FBXO11: variants seen among roughly 807,000 people sequenced by gnomAD.
The protein encoded by FBXO11 is F-box protein 11.
A neutral mutation model predicts 117.0 loss-of-function variants in FBXO11; 13 were observed. That is an observed-to-expected ratio of 0.11 (90% confidence interval 0.07 to 0.18). The LOEUF (loss-of-function observed/expected upper bound fraction) is 0.18, where lower values mean the gene tolerates loss of function less well. FBXO11 is among the 10% of genes least tolerant of loss of function. The pLI, the probability that FBXO11 is intolerant of heterozygous loss-of-function variation, is 1.00. For synonymous variants in FBXO11, 490 were observed against 380.5 expected, an observed-to-expected ratio of 1.29 and a Z score of -3.35; for missense variants, 767 against 1,164.4, an observed-to-expected ratio of 0.66 and a Z score of 4.97.
intron 1 of FBXO11, among the ~76,000 whole-genome samples, chr2:47,852,621 G>A (rs1673958041): frequency 6.6e-6 from 1 of 151,942 alleles, no homozygotes; most frequent in African/African-American, 2.4e-5. Flanking sequence ...AAGTAATTTG[G>A]GTGTCTTTTA....
intron 1 of FBXO11, among the ~76,000 whole-genome samples, chr2:47,898,967 A>T (rs1259447348): frequency 1.3e-5 from 2 of 152,102 alleles, no homozygotes; most frequent in Non-Finnish European, 2.9e-5. Context: ...AAAGTAATAA[A>T]ATCTCTTACA....
intron 16 of FBXO11, 126 bp downstream of exon 16, chr2:47,818,653 A>T: frequency 1.5e-6 from 1 of 660,658 alleles, no homozygotes; most frequent in Non-Finnish European, 2.6e-6. Flanking sequence ...AGATTATTTT[A>T]AGAATGTGAA....
intron 16 of FBXO11, among the ~76,000 whole-genome samples, chr2:47,815,185 A>C (rs987332937): frequency 2.1e-4 from 32 of 152,104 alleles, no homozygotes; most frequent in African/African-American, 7.5e-4. Flanking sequence ...TTATTTTTGT[A>C]TTTAGGTTTG....
At chr2:47,849,453 A>C (rs544349137) in intron 1 of FBXO11, among the ~76,000 whole-genome samples, 1 of 152,224 alleles carries the variant, frequency 6.6e-6, no homozygotes, top group African/African-American at 2.4e-5. Flanking sequence ...AAAATGACTT[A>C]AAAAATGTGC....
At chr2:47,894,361 T>A (rs1285451506) in intron 1 of FBXO11, among the ~76,000 whole-genome samples, 1 of 152,100 alleles carries the variant, frequency 6.6e-6, no homozygotes, top group Admixed American at 6.6e-5. Flanking sequence ...AAACTAGAAA[T>A]GAAATAACTG....
At chr2:47,903,442 T>G (rs899666849) in intron 1 of FBXO11, among the ~76,000 whole-genome samples, 1 of 152,196 alleles carries the variant, frequency 6.6e-6, no homozygotes, top group African/African-American at 2.4e-5. Flanking sequence ...TAGACATCAA[T>G]GAGAAGAAAA....
rs1180686550 is a variant in FBXO11 at position 47,886,579 on chromosome 2, G to C, written c.232+18910C>G. Among the ~76,000 whole-genome samples the C allele has an allele frequency of 2.0e-5, 3 of 151,740 alleles. No individual in the cohort carries two copies. The East Asian group carries it at 5.8e-4, about 29-fold the overall frequency. On this transcript the variant is annotated intron_variant, in intron 1 of 22. Coordinates refer to ENST00000403359, the MANE Select transcript of FBXO11 (RefSeq NM_001190274.2). ...TAAAGATATTTGTATAGGGTTGTTTGCTGCAGTTCTTTAATAGCATACAAG... is the reference window on the plus strand; with the variant it reads ...TAAAGATATTTGTATAGGGTTGTTTCCTGCAGTTCTTTAATAGCATACAAG...
At chr2:47,823,423 TA>T in intron 11 of FBXO11, 63 bp from the exon 12 acceptor site, 2 of 1,232,468 alleles carry the variant, frequency 1.6e-6, no homozygotes, top group Non-Finnish European at 2.2e-6. Flanking sequence ...AAATGCCATT[TA>T]AAAAACATTT....
intron 16 of FBXO11, among the ~76,000 whole-genome samples, chr2:47,816,088 C>A (rs1179819590): frequency 6.6e-6 from 1 of 152,202 alleles, no homozygotes; most frequent in Non-Finnish European, 1.5e-5. Flanking sequence ...CCTGGCGACC[C>A]CTTGGGTTGC....
rs192161927 is a variant in FBXO11, at chr2:47,853,416, T to C, written c.233-13647A>G. Among the ~76,000 whole-genome samples, 23 of 152,318 alleles carry C rather than the reference T, an allele frequency of 1.5e-4. No individual in the cohort carries two copies. The East Asian group carries it at 4.0e-3, about 27-fold the overall frequency. On this transcript the variant is annotated intron_variant, in intron 1 of 22. Coordinates refer to ENST00000403359, the MANE Select transcript of FBXO11 (RefSeq NM_001190274.2). ...TAATACTTTTACATGTCATATTTTATTCAAATATATAAAAATACCAAAATA... is the reference window on the plus strand; with the variant it reads ...TAATACTTTTACATGTCATATTTTACTCAAATATATAAAAATACCAAAATA...
rs764537780 is a variant in FBXO11 at position 47,809,193 on chromosome 2, T to A, written c.2520A>T (p.Ser840=). 1.2e-6 allele frequency: 2 copies of A among 1,605,524 alleles called. No homozygotes were observed. Among genetic ancestry groups the A allele is most frequent in the Non-Finnish European group, 1.7e-6 (2 of 1,173,932 alleles). The change falls in exon 21 of 23, where the codon TCA becomes TCT. Residue 840 remains serine, a synonymous_variant. Coordinates refer to ENST00000403359, the MANE Select transcript of FBXO11 (RefSeq NM_001190274.2). ...CATGCATGGGATAGCTGGTATAACT[T>A]GATATTTTATATAAACATTGGCCTC... The part of the protein sequence containing the change: ...VSRGQCLYKI[S]SYTSYPMHDF...
chr2:47,809,784 TAAA>T (rs1670482987), intron 19 of FBXO11, 77 bp from the exon 20 acceptor site: 2 of 893,880 alleles, frequency 2.2e-6, no homozygotes, highest in Non-Finnish European at 3.6e-6. Flanking sequence ...CAAGCAAATG[TAAA>T]CTGCTTCTTT....
intron 1 of FBXO11, among the ~76,000 whole-genome samples, chr2:47,881,138 G>C (rs1676400592): frequency 1.3e-5 from 2 of 152,120 alleles, no homozygotes; most frequent in South Asian, 4.2e-4. Context: ...TGCAGTCCCA[G>C]TTACTTGGGA....
At chr2:47,840,059 T>C (rs1249799452) in intron 1 of FBXO11, among the ~76,000 whole-genome samples, 1 of 151,910 alleles carries the variant, frequency 6.6e-6, no homozygotes, top group African/African-American at 2.4e-5. Flanking sequence ...TTCTCCTGCC[T>C]CAGCCTCCCG....
intron 1 of FBXO11, among the ~76,000 whole-genome samples, chr2:47,843,398 G>A (rs906607402): frequency 1.3e-5 from 2 of 150,572 alleles, no homozygotes; most frequent in Admixed American, 1.3e-4. Context: ...TGAAGGAAAT[G>A]TGCTGAAATC....
intron 1 of FBXO11, among the ~76,000 whole-genome samples, chr2:47,864,325 C>T (rs545622489): frequency 2.0e-5 from 3 of 152,294 alleles, no homozygotes; most frequent in Admixed American, 1.3e-4. Context: ...TGGTGGCTCA[C>T]GCCTGTAATC....
At chr2:47,814,207 A>C in intron 16 of FBXO11, 1 of 219,794 alleles carries the variant, frequency 4.5e-6, no homozygotes, top group Non-Finnish European at 9.2e-6. Context: ...GACCACCATA[A>C]TAAAGCGAGT....
intron 12 of FBXO11, 101 bp from the exon 13 acceptor site, chr2:47,822,404 T>C (rs1310812484): frequency 2.3e-5 from 16 of 684,030 alleles, no homozygotes; most frequent in Non-Finnish European, 3.7e-5. Flanking sequence ...ACAAATTACA[T>C]AAACTTCTAA....
chr2:47,877,586 T>C (rs1353461334), intron 1 of FBXO11, among the ~76,000 whole-genome samples: 1 of 152,164 alleles, frequency 6.6e-6, no homozygotes, highest in Non-Finnish European at 1.5e-5. Context: ...CTAAGTTGCA[T>C]GGTGTGTGTG....
Sources: gnomAD v4.1 joint callset for allele counts (sites outside exome capture counted in the v4.1 genomes callset) on GRCh38, gnomAD v4.1.1 for gene constraint, MANE v1.5 for transcripts, NCBI Gene and HGNC (gene_info 2026-07-23, HGNC 2026-07-21) for gene names.